POLD1: variants seen among roughly 807,000 people sequenced by gnomAD.
The protein encoded by POLD1 is DNA polymerase delta 1, catalytic subunit, also known as DNA polymerase delta catalytic subunit.
A neutral mutation model predicts 129.7 loss-of-function variants in POLD1; 79 were observed. That is an observed-to-expected ratio of 0.61 (90% CI 0.51 to 0.73). POLD1 has a LOEUF of 0.73. POLD1 is among the 30% of genes least tolerant of loss of function. The pLI is 0.00. For synonymous variants in POLD1, 714 were observed against 683.3 expected, an observed-to-expected ratio of 1.04 and a Z score of -0.70; for missense variants, 1,338 against 1,595.8, an observed-to-expected ratio of 0.84 and a Z score of 2.75.
rs996162112 is a variant in POLD1, at chr19:50,409,967, G to A, written c.2154+301G>A. On this transcript the variant is annotated intron_variant, in intron 17 of 26. Coordinates refer to ENST00000440232, the MANE Select transcript of POLD1 (RefSeq NM_002691.4). The surrounding 1 kb of genome is among the most constrained non-coding windows in gnomAD (Gnocchi z 5.8). Reference sequence around the variant, plus strand: ...CCAGTGGGGACACTGACAGGTCTGTGTAAACGTGTTTAGGACACAAGTGGC... The same window carrying A: ...CCAGTGGGGACACTGACAGGTCTGTATAAACGTGTTTAGGACACAAGTGGC... Among the ~76,000 whole-genome samples, 2 of 152,246 alleles carry A rather than the reference G, an allele frequency of 1.3e-5. No homozygotes were observed. Among genetic ancestry groups the A allele is most frequent in the African/African-American group, 4.8e-5 (2 of 41,462 alleles).
At chr19:50,418,016 A>C, downstream of POLD1, 3 of 1,004,784 alleles carry the variant, frequency 3.0e-6, no homozygotes, top group South Asian at 1.4e-5. This position sits in a 1 kb window ranked among gnomAD's most constrained non-coding sequence, Gnocchi z 6.0. Flanking sequence ...CTTTTGCTAT[A>C]TGGTGCTTTG....
intron 1 of POLD1, among the ~76,000 whole-genome samples, chr19:50,385,173 T>G (rs552360693): frequency 6.6e-6 from 1 of 152,110 alleles, no homozygotes; most frequent in South Asian, 2.1e-4. Context: ...TGAGTGGAAA[T>G]TGGATTGTAG....
intron 18 of POLD1, 33 bp downstream of exon 18, chr19:50,413,554 G>T: frequency 1.3e-6 from 2 of 1,571,818 alleles, no homozygotes; most frequent in Non-Finnish European, 1.7e-6. Flanking sequence ...CCTGAGATGG[G>T]CCCAGGGCAG....
intron 22 of POLD1, 172 bp from the exon 23 acceptor site, chr19:50,416,224 A>T: frequency 1.6e-6 from 1 of 641,798 alleles, no homozygotes; most frequent in Non-Finnish European, 2.7e-6. Context: ...AGCCCTACAG[A>T]CTCTGTGGCC....
intron 1 of POLD1, among the ~76,000 whole-genome samples, chr19:50,394,434 C>T (rs1182481553): frequency 2.6e-5 from 4 of 152,062 alleles, no homozygotes; most frequent in Admixed American, 2.6e-4. Flanking sequence ...GGCGGATCAT[C>T]TGAGGTCAGG....
At chr19:50,416,216 C>T in intron 22 of POLD1, 180 bp from the exon 23 acceptor site, 1 of 626,242 alleles carries the variant, frequency 1.6e-6, no homozygotes, top group Non-Finnish European at 2.8e-6. Flanking sequence ...GACCTGAGAG[C>T]CCTACAGACT....
At chr19:50,395,859 C>G (rs1160462114) in intron 1 of POLD1, among the ~76,000 whole-genome samples, 4 of 142,878 alleles carry the variant, frequency 2.8e-5, no homozygotes, top group Admixed American at 2.2e-4. Flanking sequence ...CTTGTCTAAT[C>G]AACCAGAGGA....
chr19:50,402,221 C>A lies in POLD1; in HGVS notation c.606C>A (p.His202Gln), dbSNP rs200405635. The A allele has an allele frequency of 2.5e-6, 4 of 1,584,628 alleles. No individual in the cohort carries two copies. ...CATCCACAGGCATGTTTGGGTACCA[C>A]GGGCACGGCCCCTCCCCGTTCCTGC... is the stretch of plus-strand genomic sequence containing the variant. The part of the protein sequence containing the change: ...LCSRESMFGY[H>Q]GHGPSPFLRI... The change falls in exon 6 of 27, where the codon CAC (histidine) becomes CAA (glutamine). Residue 202 changes from histidine (H) to glutamine (Q), a missense_variant. Physicochemically the swap from His to Gln is conservative, Grantham distance 24 (BLOSUM62 0). This residue lies in a region of POLD1 where 332 missense variants were observed against 315.7 expected (regional missense o/e 1.05). Transcript: ENST00000440232.
intron 17 of POLD1, 68 bp from the exon 18 acceptor site, chr19:50,413,358 C>T: frequency 1.5e-6 from 2 of 1,323,718 alleles, no homozygotes; most frequent in Non-Finnish European, 2.1e-6. Flanking sequence ...GGGACCCCTC[C>T]CCCGCCGGCC....
intron 17 of POLD1, among the ~76,000 whole-genome samples, chr19:50,413,058 G>C (rs868279868): frequency 1.3e-5 from 2 of 152,172 alleles, no homozygotes; most frequent in South Asian, 4.1e-4. Flanking sequence ...CTGGCTTCCA[G>C]GGATGGGGCT....
chr19:50,390,507 A>G (rs892598432), intron 1 of POLD1, among the ~76,000 whole-genome samples: 2 of 152,052 alleles, frequency 1.3e-5, no homozygotes, highest in Non-Finnish European at 2.9e-5. Context: ...GGGCTGTTTC[A>G]GCCAGTCCCT....
At chr19:50,416,999 G>A (rs1474933744) in intron 24 of POLD1, 46 bp from the exon 25 acceptor site, 1 of 1,534,980 alleles carries the variant, frequency 6.5e-7, no homozygotes, top group East Asian at 2.5e-5. Flanking sequence ...GGGTGGCCCA[G>A]TTCCTGGCTG....
At chr19:50,413,010 G>C (rs1430850310) in intron 17 of POLD1, among the ~76,000 whole-genome samples, 2 of 152,094 alleles carry the variant, frequency 1.3e-5, no homozygotes, top group Admixed American at 1.3e-4. Context: ...TGTGTAGGTA[G>C]GGCCAGTTCT....
At chr19:50,411,117 TTTG>T (rs2039074250) in intron 17 of POLD1, 2 of 151,946 alleles carry the variant, frequency 1.3e-5, no homozygotes, top group Admixed American at 1.3e-4. Flanking sequence ...GCCACCTATT[TTTG>T]TTATTTTTTG....
chr19:50,407,274 A>G (rs2038930080), intron 13 of POLD1, 53 bp from the exon 14 acceptor site: 2 of 1,556,090 alleles, frequency 1.3e-6, no homozygotes, highest in East Asian at 2.3e-5. Flanking sequence ...CCCACTCCCA[A>G]TCCGCACGGC....
intron 1 of POLD1, among the ~76,000 whole-genome samples, chr19:50,389,895 T>G (rs1347226778): frequency 2.6e-5 from 4 of 151,194 alleles, no homozygotes; most frequent in South Asian, 4.2e-4. Flanking sequence ...CTGTTTTTTT[T>G]TTTGTTTTTT....
At chr19:50,385,094 C>T (rs1239238929) in intron 1 of POLD1, among the ~76,000 whole-genome samples, 1 of 152,080 alleles carries the variant, frequency 6.6e-6, no homozygotes, top group South Asian at 2.1e-4. Flanking sequence ...CTAGGTTCAG[C>T]GGGGAGCCGT....
At chr19:50,399,341 G>A in intron 2 of POLD1, 30 bp from the exon 3 acceptor site, 1 of 1,539,288 alleles carries the variant, frequency 6.5e-7, no homozygotes, top group Non-Finnish European at 9.0e-7. Context: ...ATGACTCCAT[G>A]TACTCCACTT....
chr19:50,399,285 G>GC (rs2038491784), intron 2 of POLD1, 86 bp from the exon 3 acceptor site: 31 of 1,230,270 alleles, frequency 2.5e-5, no homozygotes, highest in Non-Finnish European at 3.4e-5. Context: ...CACCACCTCT[G>GC]CCTGGCTCCT....
Sources: gnomAD v4.1 joint callset for allele counts (sites outside exome capture counted in the v4.1 genomes callset) on GRCh38, gnomAD v4.1.1 for gene constraint, gnomAD v4.1.1 regional missense constraint, Gnocchi (gnomAD v3.1) non-coding constraint, MANE v1.5 for transcripts, NCBI Gene and HGNC (gene_info 2026-07-23, HGNC 2026-07-21) for gene names.